RASA3: variants seen among roughly 807,000 people sequenced by gnomAD.
The protein encoded by RASA3 is RAS p21 protein activator 3.
In RASA3, 73 loss-of-function variants were observed where a neutral mutation model predicts 110.0. The observed-to-expected ratio is 0.66, with a 90% CI of 0.55 to 0.81. The LOEUF is 0.81. Among genes scored for constraint, RASA3 ranks in the 30% least tolerant of loss-of-function variants. The pLI, the probability that RASA3 is intolerant of heterozygous loss-of-function variation, is 0.00. For synonymous variants in RASA3, 500 were observed against 451.4 expected (o/e 1.11, Z -1.37); for missense variants, 976 against 1,113.2 (o/e 0.88, Z 1.75).
intron 2 of RASA3, among the ~76,000 whole-genome samples, chr13:114,066,414 C>T (rs574106374): frequency 5.4e-4 from 82 of 152,270 alleles, no homozygotes; most frequent in Non-Finnish European, 6.8e-4. Flanking sequence ...GGGAGGCGGC[C>T]GGGCGAGAGG....
At position 114,016,520 on chromosome 13, in the gene RASA3, C is replaced by T. The variant is rs1024623720; in HGVS notation, c.1207-249G>A. 3.9e-5 allele frequency among the ~76,000 whole-genome samples: 6 copies of T among 152,088 alleles called. 1 individual carries two copies. Among genetic ancestry groups the T allele is most frequent in the South Asian group, 4.2e-4 (2 of 4,818 alleles). On this transcript the variant is annotated intron_variant, in intron 12 of 23. Coordinates refer to ENST00000334062, the MANE Select transcript of RASA3 (RefSeq NM_007368.4). ...AACCCTGGGCCTGTGTCACTGGCTGCGGAGGGACAAGTGAGAGGTCAGGCG... is the reference window on the plus strand; with the variant it reads ...AACCCTGGGCCTGTGTCACTGGCTGTGGAGGGACAAGTGAGAGGTCAGGCG...
intron 3 of RASA3, among the ~76,000 whole-genome samples, chr13:114,045,920 A>T (rs546819541): frequency 4.9e-5 from 6 of 123,504 alleles, no homozygotes; most frequent in African/African-American, 2.1e-4. Flanking sequence ...CACTGATGAG[A>T]GAAATTGGAA....
At chr13:114,027,301 A>T in intron 7 of RASA3, 88 bp downstream of exon 7, 1 of 1,144,656 alleles carries the variant, frequency 8.7e-7, no homozygotes, top group Non-Finnish European at 1.3e-6. Flanking sequence ...CAGAGGGAAG[A>T]GACTGAGATC....
intron 1 of RASA3, among the ~76,000 whole-genome samples, chr13:114,087,950 C>T (rs139704669): frequency 9.5e-4 from 144 of 152,196 alleles, no homozygotes; most frequent in African/African-American, 2.4e-3. Context: ...GCCAACATAG[C>T]GAAACCTCAT....
intron 1 of RASA3, among the ~76,000 whole-genome samples, chr13:114,088,571 G>A (rs188272549): frequency 1.9e-5 from 2 of 107,630 alleles, no homozygotes; most frequent in East Asian, 5.1e-4. Context: ...TTTTTTTTGA[G>A]ACGGAGTTTC....
intron 2 of RASA3, among the ~76,000 whole-genome samples, chr13:114,055,414 C>T (rs914911137): frequency 2.0e-5 from 3 of 152,238 alleles, no homozygotes; most frequent in African/African-American, 4.8e-5. Flanking sequence ...CCCCAGGCAG[C>T]GCCCTGTGGC....
intron 9 of RASA3, among the ~76,000 whole-genome samples, chr13:114,019,623 C>A (rs1261702623): frequency 2.0e-5 from 3 of 151,018 alleles, no homozygotes; most frequent in Non-Finnish European, 4.4e-5. Flanking sequence ...GAGACATTAG[C>A]ACCCCTGTCA....
chr13:113,998,019 G>A (rs1181575148), intron 20 of RASA3, among the ~76,000 whole-genome samples: 2 of 152,236 alleles, frequency 1.3e-5, no homozygotes, highest in Admixed American at 6.5e-5. Flanking sequence ...GGTCTCCCCA[G>A]CTGGTGAGAG....
At chr13:114,063,616 G>C (rs2079398722) in intron 2 of RASA3, among the ~76,000 whole-genome samples, 1 of 152,246 alleles carries the variant, frequency 6.6e-6, no homozygotes, top group Non-Finnish European at 1.5e-5. Flanking sequence ...CGGCACGTGT[G>C]TGCGTGGACA....
intron 2 of RASA3, among the ~76,000 whole-genome samples, chr13:114,054,531 C>T (rs1439373008): frequency 6.6e-6 from 1 of 152,090 alleles, no homozygotes; most frequent in African/African-American, 2.4e-5. Context: ...CTCCCTGCAG[C>T]GGCCTTAATG....
intron 3 of RASA3, among the ~76,000 whole-genome samples, chr13:114,043,837 G>GCCCCCCCCCCCCCCCCCCCCT (rs544129523): frequency 4.4e-5 from 1 of 22,826 alleles, no homozygotes; most frequent in Non-Finnish European, 7.1e-5. Flanking sequence ...CACTCGCTGA[G>GCCCCCCCCCCCCCCCCCCCCT]CCCCCCGCCC....
chr13:114,069,342 G>A (rs112393636), intron 2 of RASA3, among the ~76,000 whole-genome samples: 1 of 151,410 alleles, frequency 6.6e-6, no homozygotes, highest in African/African-American at 2.4e-5. Flanking sequence ...AGATGCAGAC[G>A]TGGGCTTTTT....
chr13:114,065,238 C>T lies in RASA3; in HGVS notation c.173+8482G>A, dbSNP rs1373484826. The stretch of plus-strand genomic sequence containing the variant: ...CTTCCCAGCATCTGCGCAAGGCTGG[C>T]GCTGCCCCATCCCGCCTGCGGCTGC... On this transcript the variant is annotated intron_variant, in intron 2 of 23. Transcript: ENST00000334062. This position sits in a 1 kb window ranked among gnomAD's most constrained non-coding sequence, Gnocchi z 4.1. Among the ~76,000 whole-genome samples the T allele has an allele frequency of 1.3e-5, 2 of 152,216 alleles. No homozygotes were observed. Among genetic ancestry groups the T allele is most frequent in the Non-Finnish European group, 2.9e-5 (2 of 68,040 alleles).
intron 18 of RASA3, among the ~76,000 whole-genome samples, chr13:114,004,875 C>T (rs1325201856): frequency 6.6e-6 from 1 of 152,192 alleles, no homozygotes; most frequent in Non-Finnish European, 1.5e-5. Flanking sequence ...ATCCACGTGT[C>T]CACCAACGGA....
At chr13:114,106,380 G>T (rs2139751665) in intron 1 of RASA3, among the ~76,000 whole-genome samples, 1 of 152,280 alleles carries the variant, frequency 6.6e-6, no homozygotes, top group African/African-American at 2.4e-5. Context: ...TAAAGCAACA[G>T]AAATGCTTAC....
At chr13:114,052,973 C>T (rs9525219) in intron 2 of RASA3, among the ~76,000 whole-genome samples, 3,644 of 118,068 alleles carry the variant, frequency 0.031, 303 homozygotes, top group East Asian at 0.13. Context: ...ATCGCCACTG[C>T]TGACTGTGCG....
intron 2 of RASA3, 87 bp downstream of exon 2, chr13:114,073,633 A>G: frequency 4.5e-6 from 5 of 1,107,598 alleles, no homozygotes; most frequent in Non-Finnish European, 6.9e-6. Flanking sequence ...CACACATGGG[A>G]AAATGGGAAG....
intron 18 of RASA3, among the ~76,000 whole-genome samples, chr13:114,004,757 G>A (rs1392570289): frequency 1.3e-5 from 2 of 152,204 alleles, no homozygotes; most frequent in South Asian, 4.1e-4. Context: ...GCTGCCATTC[G>A]ATCCAGCAAT....
At chr13:114,027,769 G>A in intron 6 of RASA3, 78 bp downstream of exon 6, 1 of 1,406,986 alleles carries the variant, frequency 7.1e-7, no homozygotes, top group Non-Finnish European at 1.0e-6. Flanking sequence ...CCCAAATGAG[G>A]CAGTGGTCTC....
Sources: gnomAD v4.1 joint callset for allele counts (sites outside exome capture counted in the v4.1 genomes callset) on GRCh38, gnomAD v4.1.1 for gene constraint, Gnocchi (gnomAD v3.1) non-coding constraint, MANE v1.5 for transcripts, NCBI Gene and HGNC (gene_info 2026-07-23, HGNC 2026-07-21) for gene names.